Variants in JMJD1C observed in about 807,000 individuals in gnomAD.
JMJD1C encodes the protein jumonji domain-containing protein 1C.
JMJD1C carries 31 observed loss-of-function variants against 245.3 expected under a neutral mutation model. That is an observed-to-expected ratio of 0.13 (90% CI 0.09 to 0.17). JMJD1C has a LOEUF of 0.17. Ranked by LOEUF, JMJD1C falls within the 10% of genes least tolerant of loss-of-function variation. The pLI, the probability that JMJD1C is intolerant of heterozygous loss-of-function variation, is 1.00. For synonymous variants in JMJD1C, 1,057 were observed against 1,017.4 expected, an observed-to-expected ratio of 1.04 and a Z score of -0.74; for missense variants, 2,691 against 3,000.2, an observed-to-expected ratio of 0.90 and a Z score of 2.41.
At chr10:63,277,794 A>G (rs1007488365) in intron 2 of JMJD1C, among the ~76,000 whole-genome samples, 2 of 119,862 alleles carry the variant, frequency 1.7e-5, no homozygotes. Context: ...CTGGAGTGCA[A>G]TCTTGTGATC....
chr10:63,219,496 G>C lies in JMJD1C; in HGVS notation c.553+382C>G, dbSNP rs190609363. ...TTTCTGAAAAAGGTGCACTGAAATA[G>C]GCCACTTTTACCAGATACGAAGAAC... On this transcript the variant is annotated intron_variant, in intron 4 of 25. Transcript: ENST00000399262. 5.3e-5 allele frequency among the ~76,000 whole-genome samples: 8 copies of C among 152,218 alleles called. No homozygotes were observed. In the East Asian group the frequency reaches 5.8e-4, roughly 11 times the overall value.
At chr10:63,217,396 T>C (rs1332260999) in intron 4 of JMJD1C, 65 bp from the exon 5 acceptor site, 1 of 1,331,230 alleles carries the variant, frequency 7.5e-7, no homozygotes, top group Non-Finnish European at 1.0e-6. Context: ...TAACTGCCTT[T>C]TAGAAGAAAC....
chr10:63,381,440 G>A (rs192038262), intron 1 of JMJD1C, among the ~76,000 whole-genome samples: 1 of 152,180 alleles, frequency 6.6e-6, no homozygotes, highest in Admixed American at 6.5e-5. Context: ...TTGAGCCCAG[G>A]AATTTGAGGC....
chr10:63,229,172 A>T (rs959647259), intron 3 of JMJD1C, among the ~76,000 whole-genome samples: 4 of 152,144 alleles, frequency 2.6e-5, no homozygotes, highest in Non-Finnish European at 5.9e-5. Flanking sequence ...TACTTTTTTA[A>T]AAAAAAGGAA....
At chr10:63,316,326 CTG>C (rs1940051816) in intron 2 of JMJD1C, among the ~76,000 whole-genome samples, 1 of 152,210 alleles carries the variant, frequency 6.6e-6, no homozygotes, top group African/African-American at 2.4e-5. Flanking sequence ...GATTCATTGG[CTG>C]CTTTTGGCAT....
At chr10:63,225,032 A>G (rs909554993) in intron 3 of JMJD1C, among the ~76,000 whole-genome samples, 1 of 151,906 alleles carries the variant, frequency 6.6e-6, no homozygotes, top group African/African-American at 2.4e-5. Context: ...ACTGCACTCC[A>G]GCCTAGAGAC....
chr10:63,203,172 G>C (rs1220032120), intron 10 of JMJD1C: 1 of 984,650 alleles, frequency 1.0e-6, no homozygotes, highest in East Asian at 1.1e-4. Flanking sequence ...TTCTAGACAA[G>C]GCCACACATG....
At chr10:63,484,606 A>G (rs1426162212) in intron 1 of JMJD1C, among the ~76,000 whole-genome samples, 5 of 152,112 alleles carry the variant, frequency 3.3e-5, no homozygotes, top group African/African-American at 1.2e-4. Context: ...GATCAAACCA[A>G]TAAAAGCAGT....
At chr10:63,441,107 A>C (rs530303510) in intron 1 of JMJD1C, among the ~76,000 whole-genome samples, 2 of 152,310 alleles carry the variant, frequency 1.3e-5, no homozygotes, top group East Asian at 1.9e-4. Flanking sequence ...AAAAGGCACA[A>C]ACAGAAAAAG....
At chr10:63,511,511 A>C (rs1954871113) in intron 1 of JMJD1C, among the ~76,000 whole-genome samples, 1 of 152,174 alleles carries the variant, frequency 6.6e-6, no homozygotes, top group South Asian at 2.1e-4. Flanking sequence ...GGAGTTTGAG[A>C]CCAGCCAGGC....
intron 2 of JMJD1C, among the ~76,000 whole-genome samples, chr10:63,365,059 C>T (rs1945722815): frequency 6.6e-6 from 1 of 152,184 alleles, no homozygotes; most frequent in South Asian, 2.1e-4. Flanking sequence ...TCTACCTATG[C>T]CAGCTTGGCA....
chr10:63,500,762 TGGA>T (rs1954527481), intron 1 of JMJD1C, among the ~76,000 whole-genome samples: 1 of 147,768 alleles, frequency 6.8e-6, no homozygotes, highest in African/African-American at 2.6e-5. Flanking sequence ...GATGGATGGA[TGGA>T]TGGATGGATG....
At chr10:63,364,109 CCCA>C (rs1945646490) in intron 2 of JMJD1C, among the ~76,000 whole-genome samples, 1 of 152,184 alleles carries the variant, frequency 6.6e-6, no homozygotes. Flanking sequence ...AGGTGATCCG[CCCA>C]CCTTGGCCTC....
chr10:63,186,324 T>C lies in JMJD1C; in HGVS notation c.6630A>G (p.Ser2210=). ...GGTGGTCTCCAAAATCAAGACTAAT[T>C]GATTCCGCCTTCCATAGGCTAATGT... The part of the protein sequence containing the change: ...KMNISLWKAE[S]ISLDFGDHQA... Residue 2210 remains serine, a synonymous_variant, in exon 19 of 26, where the codon TCA becomes TCG. Coordinates refer to ENST00000399262, the MANE Select transcript of JMJD1C (RefSeq NM_032776.3). 1.2e-6 allele frequency: 2 copies of C among 1,613,692 alleles called. No individual in the cohort carries two copies. Among genetic ancestry groups the C allele is most frequent in the Non-Finnish European group, 1.7e-6 (2 of 1,179,790 alleles).
Position 63,167,859 on chromosome 10 carries a change from A to T in JMJD1C, c.*186T>A. On this transcript the variant is annotated 3_prime_UTR_variant, in exon 26 of 26. Coordinates refer to ENST00000399262, the MANE Select transcript of JMJD1C (RefSeq NM_032776.3). The stretch of plus-strand genomic sequence containing the variant: ...GCTTTTAAAATTCTGCTTGTTTTAT[A>T]ACATTGAATCACAGGAGCTGTGACA... 1 of 505,322 alleles carries T rather than the reference A, an allele frequency of 2.0e-6. No homozygotes were observed. 31.3% of individuals were successfully genotyped at this position (505,322 alleles called of 1,614,324 possible).
chr10:63,435,272 A>C (rs1369589550), intron 1 of JMJD1C, among the ~76,000 whole-genome samples: 2 of 152,156 alleles, frequency 1.3e-5, no homozygotes, highest in Admixed American at 1.3e-4. Flanking sequence ...TTCACTCCAC[A>C]AACAAAATCT....
intron 1 of JMJD1C, among the ~76,000 whole-genome samples, chr10:63,438,224 T>A (rs1024640875): frequency 1.3e-5 from 2 of 152,006 alleles, no homozygotes; most frequent in Non-Finnish European, 2.9e-5. Context: ...TCAATTCTCA[T>A]CTGAAAAAAA....
chr10:63,388,110 A>T (rs1947774311), intron 1 of JMJD1C, among the ~76,000 whole-genome samples: 1 of 152,156 alleles, frequency 6.6e-6, no homozygotes. Context: ...GGCTGGCAAA[A>T]AGTTTAGATA....
chr10:63,299,664 A>G (rs1859856335), intron 2 of JMJD1C, among the ~76,000 whole-genome samples: 1 of 152,156 alleles, frequency 6.6e-6, no homozygotes, highest in African/African-American at 2.4e-5. Context: ...TTTTGTATAA[A>G]AAAACTATTA....
Sources: allele counts gnomAD v4.1 joint callset (sites outside exome capture counted in the v4.1 genomes callset), GRCh38; gene constraint gnomAD v4.1.1; transcripts MANE v1.5; gene names NCBI Gene and HGNC (gene_info 2026-07-23, HGNC 2026-07-21).